Variants in FBXO32 observed in about 807,000 individuals in gnomAD.
FBXO32 encodes F-box protein 32, also known as F-box only protein 32.
In FBXO32, 15 loss-of-function variants were observed where a neutral mutation model predicts 48.3. That is an observed-to-expected ratio of 0.31 (90% CI 0.21 to 0.48). The LOEUF (loss-of-function observed/expected upper bound fraction) is 0.48, where lower values mean the gene tolerates loss of function less well. FBXO32 is among the 20% of genes least tolerant of loss of function. The pLI is 0.99. For synonymous variants in FBXO32, 154 were observed against 165.9 expected (o/e 0.93, Z 0.55); for missense variants, 309 against 432.7 (o/e 0.71, Z 2.54).
rs987145464 is a variant in FBXO32, at chr8:123,525,107, G to A, written c.372+6791C>T. ...GCATTGAATTTAAATTTGAGTCATC[G>A]TGCCATATTCCAGCCTTTTGTTTGC... is the stretch of plus-strand genomic sequence containing the variant. On this transcript the variant is annotated intron_variant, in intron 4 of 8. Coordinates refer to ENST00000517956, the MANE Select transcript of FBXO32 (RefSeq NM_058229.4). The surrounding 1 kb of genome is among the most constrained non-coding windows in gnomAD (Gnocchi z 4.3). Among the ~76,000 whole-genome samples the A allele has an allele frequency of 1.3e-5, 2 of 152,212 alleles. No homozygotes were observed. The highest frequency in any genetic ancestry group is 4.8e-5 in the African/African-American group (2 of 41,444).
chr8:123,524,315 G>T (rs975992106), intron 4 of FBXO32, among the ~76,000 whole-genome samples: 2 of 152,168 alleles, frequency 1.3e-5, no homozygotes, highest in African/African-American at 2.4e-5. Flanking sequence ...CGCAGGATCT[G>T]CCTGTCTGAA....
Position 123,506,352 on chromosome 8 carries a change from A to G in FBXO32, c.834+40T>C. ...CAAGGAAGTTTGGGGTGAGGGCCAG[A>G]GAAGGAGGGTGGGAGGAAAGCCCAC... On this transcript the variant is annotated intron_variant, in intron 7 of 8. Transcript: ENST00000517956. The surrounding 1 kb of genome is among the most constrained non-coding windows in gnomAD (Gnocchi z 4.0). 6.2e-7 allele frequency: 1 copy of G among 1,605,386 alleles called. No homozygotes were observed. Among genetic ancestry groups the G allele is most frequent in the Non-Finnish European group, 8.5e-7 (1 of 1,176,096 alleles).
At position 123,502,331 on chromosome 8, in the gene FBXO32, G is replaced by A. The variant is rs891506358; in HGVS notation, c.*1042C>T. 6.6e-6 allele frequency: 1 copy of A among 152,234 alleles called. No individual in the cohort carries two copies. Among genetic ancestry groups the A allele is most frequent in the Non-Finnish European group, 1.5e-5 (1 of 68,058 alleles). 9.4% of individuals were successfully genotyped at this position (152,234 alleles called of 1,614,324 possible). A position where few individuals can be genotyped will look rare whatever the true frequency, so the allele number is the denominator to read the frequency against. On this transcript the variant is annotated 3_prime_UTR_variant, in exon 9 of 9. Transcript: ENST00000517956. ...CCACAGACACAGGCTTATCCATGAA[G>A]ATATCCAAGGAAGGAAGTTCAGCAG...
chr8:123,501,874 T>C lies in FBXO32; in HGVS notation c.*1499A>G, dbSNP rs767966404. 1 of 151,942 alleles carries C rather than the reference T, an allele frequency of 6.6e-6. No homozygotes were observed. The highest frequency in any genetic ancestry group is 6.6e-5 in the Admixed American group (1 of 15,264). 9.4% of individuals were successfully genotyped at this position (151,942 alleles called of 1,614,324 possible). ...AAAAGCATATACAACTGCAAATATA[T>C]GTACATTGTTGTAGGAAAGCAACAA... On this transcript the variant is annotated 3_prime_UTR_variant, in exon 9 of 9. Coordinates refer to ENST00000517956, the MANE Select transcript of FBXO32 (RefSeq NM_058229.4).
intron 2 of FBXO32, 86 bp downstream of exon 2, chr8:123,534,616 T>G (rs1349340723): frequency 2.6e-6 from 2 of 774,572 alleles, no homozygotes; most frequent in Non-Finnish European, 4.4e-6. Flanking sequence ...ATGTGTGACA[T>G]GGGAGGTGTT....
intron 1 of FBXO32, among the ~76,000 whole-genome samples, chr8:123,537,127 A>G (rs954410216): frequency 1.4e-4 from 22 of 152,170 alleles, no homozygotes; most frequent in Non-Finnish European, 2.9e-5. Flanking sequence ...GTTAGAGGCT[A>G]TTTTGAGAGT....
rs1405818734 is a variant in FBXO32 at position 123,514,254 on chromosome 8, T to C, written c.452A>G (p.Lys151Arg). Residue 151 changes from lysine (K) to arginine (R), a missense_variant, in exon 5 of 9, where the codon AAA becomes AGA. By Grantham distance (26) the Lys-to-Arg change is conservative (BLOSUM62 2). Transcript: ENST00000517956. ...AGAAGGCTCACCTTTCAGTACCACT[T>C]TTTCCAAAATATTCATGAAGTTCTT... ...AQKNFMNILE[K>R]VVLKVLEDQQ... The C allele has an allele frequency of 1.9e-6, 3 of 1,612,500 alleles. No homozygotes were observed. The highest frequency in any genetic ancestry group is 2.5e-6 in the Non-Finnish European group (3 of 1,179,366).
chr8:123,500,457 C>A lies in FBXO32; in HGVS notation c.*2916G>T, dbSNP rs1198442915. 2 of 152,180 alleles carry A rather than the reference C, an allele frequency of 1.3e-5. No homozygotes were observed. Among genetic ancestry groups the A allele is most frequent in the African/African-American group, 4.8e-5 (2 of 41,438 alleles). The allele number at this position is 152,180 out of a possible 1,614,324, so 9.4% of individuals were successfully genotyped here. A position where few individuals can be genotyped will look rare whatever the true frequency, so the allele number is the denominator to read the frequency against. On this transcript the variant is annotated 3_prime_UTR_variant, in exon 9 of 9. Transcript: ENST00000517956. ...TTTTCTAGCAATTTCCATTATCATG[C>A]CCCTTCTAGCTTTTAGACCAGCAGT...
chr8:123,522,915 C>G (rs576023558), intron 4 of FBXO32, among the ~76,000 whole-genome samples: 1 of 152,272 alleles, frequency 6.6e-6, no homozygotes, highest in Admixed American at 6.5e-5. Flanking sequence ...CCAGAAGTAC[C>G]TGACAAGCAG....
intron 6 of FBXO32, among the ~76,000 whole-genome samples, chr8:123,510,513 T>A (rs6988439): frequency 6.6e-6 from 1 of 151,866 alleles, no homozygotes; most frequent in African/African-American, 2.4e-5. Context: ...CCGGGGAGTC[T>A]AAGGTAGAAG....
intron 4 of FBXO32, among the ~76,000 whole-genome samples, 177 bp from the exon 5 acceptor site, chr8:123,514,510 C>A (rs1187591763): frequency 6.6e-6 from 1 of 152,198 alleles, no homozygotes; most frequent in African/African-American, 2.4e-5. Flanking sequence ...TGGGGTAATT[C>A]AAAACCCAGG....
chr8:123,535,908 T>A (rs1361050915), intron 1 of FBXO32, among the ~76,000 whole-genome samples: 3 of 151,958 alleles, frequency 2.0e-5, no homozygotes, highest in African/African-American at 7.3e-5. Flanking sequence ...AAATGTAACT[T>A]GATTTACATC....
chr8:123,521,596 A>C (rs1490430755), intron 4 of FBXO32, among the ~76,000 whole-genome samples: 1 of 152,224 alleles, frequency 6.6e-6, no homozygotes, highest in African/African-American at 2.4e-5. Flanking sequence ...AGCTTCCTCT[A>C]CCTGTTAGTT....
Position 123,504,652 on chromosome 8 carries a change from A to G in FBXO32, c.930T>C (p.Tyr310=), listed in dbSNP as rs1277628874. 6.2e-7 allele frequency: 1 copy of G among 1,614,050 alleles called. No individual in the cohort carries two copies. Among genetic ancestry groups the G allele is most frequent in the Admixed American group, 1.7e-5 (1 of 60,012 alleles). ...LVRCYPRKEQ[Y]GDTLQLCKHC... Reference sequence around the variant, plus strand: ...GTTTGCAGAGCTGAAGGGTATCTCCATACTGCTCTTTCCTTGGGTAACATC... The same window carrying G: ...GTTTGCAGAGCTGAAGGGTATCTCCGTACTGCTCTTTCCTTGGGTAACATC... Residue 310 remains tyrosine, a synonymous_variant, in exon 8 of 9, where the codon TAT becomes TAC. Coordinates refer to ENST00000517956, the MANE Select transcript of FBXO32 (RefSeq NM_058229.4).
At chr8:123,518,170 C>A (rs1816877706) in intron 4 of FBXO32, among the ~76,000 whole-genome samples, 1 of 152,190 alleles carries the variant, frequency 6.6e-6, no homozygotes, top group Non-Finnish European at 1.5e-5. Flanking sequence ...GCTCCAGAGG[C>A]AAACTGTCTG....
intron 8 of FBXO32, 37 bp downstream of exon 8, chr8:123,504,567 G>GC: frequency 6.3e-7 from 1 of 1,595,914 alleles, no homozygotes; most frequent in South Asian, 1.1e-5. Context: ...TAGGGGCTGG[G>GC]CTGGGGGTCT....
chr8:123,527,852 A>G (rs1817118491), intron 4 of FBXO32, among the ~76,000 whole-genome samples: 1 of 152,218 alleles, frequency 6.6e-6, no homozygotes, highest in Non-Finnish European at 1.5e-5. Context: ...ATTTGCAGAA[A>G]GTACTACAAA....
At chr8:123,519,362 G>A (rs1816902915) in intron 4 of FBXO32, among the ~76,000 whole-genome samples, 1 of 151,860 alleles carries the variant, frequency 6.6e-6, no homozygotes, top group Non-Finnish European at 1.5e-5. Context: ...GACCATCCTG[G>A]CTAATGGTGA....
chr8:123,510,283 G>A (rs911044215), intron 6 of FBXO32, among the ~76,000 whole-genome samples: 8 of 152,210 alleles, frequency 5.3e-5, no homozygotes, highest in Admixed American at 3.3e-4. Context: ...AATGAGGAAA[G>A]TGAGGCATGG....
Sources: allele counts gnomAD v4.1 joint callset (sites outside exome capture counted in the v4.1 genomes callset), GRCh38; gene constraint gnomAD v4.1.1; non-coding constraint Gnocchi (gnomAD v3.1); transcripts MANE v1.5; gene names NCBI Gene and HGNC (gene_info 2026-07-23, HGNC 2026-07-21).